The following PTPRO variants were observed in gnomAD, a reference collection of about 807,000 sequenced individuals.
PTPRO encodes receptor-type tyrosine-protein phosphatase O.
A neutral mutation model predicts 145.2 loss-of-function variants in PTPRO; 62 were observed. That is an observed-to-expected ratio of 0.43 (90% CI 0.35 to 0.53). The LOEUF (loss-of-function observed/expected upper bound fraction) is 0.53. Among genes scored for constraint, PTPRO ranks in the 20% least tolerant of loss-of-function variants. The pLI is 0.01. For missense variants in PTPRO, 1,345 were observed against 1,482.7 expected (o/e 0.91, Z 1.53); for synonymous variants, 565 against 514.7 (o/e 1.10, Z -1.32).
At chr12:15,508,802 C>A in intron 7 of PTPRO, 35 bp downstream of exon 7, 2 of 1,599,682 alleles carry the variant, frequency 1.3e-6, no homozygotes, top group South Asian at 1.1e-5. Context: ...GCTCGCCGGT[C>A]CTTCCTAAGC....
chr12:15,410,892 T>C (rs1019768546), intron 1 of PTPRO: 1 of 152,198 alleles, frequency 6.6e-6, no homozygotes, highest in Admixed American at 6.5e-5. Flanking sequence ...ATAGAAATTA[T>C]ATGTCCCTGA....
intron 1 of PTPRO, among the ~76,000 whole-genome samples, chr12:15,472,299 G>A (rs935476901): frequency 6.6e-6 from 1 of 152,158 alleles, no homozygotes; most frequent in Non-Finnish European, 1.5e-5. Context: ...CATCATCCCA[G>A]TCAGCCTGTT....
chr12:15,570,604 T>C (rs1944023560), intron 19 of PTPRO, among the ~76,000 whole-genome samples: 2 of 152,192 alleles, frequency 1.3e-5, no homozygotes, highest in South Asian at 4.1e-4. Flanking sequence ...CATAGGATAT[T>C]ATAGATGCTA....
chr12:15,427,892 A>G (rs1027800788), intron 1 of PTPRO, among the ~76,000 whole-genome samples: 7 of 152,202 alleles, frequency 4.6e-5, no homozygotes, highest in Admixed American at 2.6e-4. Flanking sequence ...CTTTTACATA[A>G]GCATATTTGT....
intron 1 of PTPRO, among the ~76,000 whole-genome samples, chr12:15,412,262 T>C (rs2136314087): frequency 6.6e-6 from 1 of 152,384 alleles, no homozygotes; most frequent in African/African-American, 2.4e-5. Context: ...TTCAATACTT[T>C]GTAAGTCCTT....
chr12:15,509,619 C>T (rs1356021947), intron 7 of PTPRO, among the ~76,000 whole-genome samples: 1 of 121,236 alleles, frequency 8.2e-6, no homozygotes. Flanking sequence ...ATCACTTGAA[C>T]CCGGGAGGTG....
chr12:15,428,527 T>C (rs1442742601), intron 1 of PTPRO, among the ~76,000 whole-genome samples: 1 of 152,174 alleles, frequency 6.6e-6, no homozygotes, highest in Non-Finnish European at 1.5e-5. Context: ...AAGTACTTTG[T>C]ATTGTGCTTG....
At chr12:15,337,574 A>G (rs1866808736) in intron 1 of PTPRO, 1 of 152,232 alleles carries the variant, frequency 6.6e-6, no homozygotes, top group African/African-American at 2.4e-5. Flanking sequence ...CTAACCATAG[A>G]AAAGGAATTG....
intron 1 of PTPRO, among the ~76,000 whole-genome samples, chr12:15,386,392 A>G (rs1565600428): frequency 6.6e-6 from 1 of 152,226 alleles, no homozygotes; most frequent in Non-Finnish European, 1.5e-5. Context: ...ATAATATTAA[A>G]TGGAGCAGTT....
chr12:15,562,156 TG>T (rs1428178390), intron 17 of PTPRO, among the ~76,000 whole-genome samples: 2 of 152,140 alleles, frequency 1.3e-5, no homozygotes, highest in Non-Finnish European at 2.9e-5. Flanking sequence ...AAAAACATAC[TG>T]GATATAAACT....
chr12:15,453,665 A>G (rs1396139427), intron 1 of PTPRO, among the ~76,000 whole-genome samples: 2 of 152,222 alleles, frequency 1.3e-5, no homozygotes, highest in African/African-American at 2.4e-5. Context: ...ACAATATTAA[A>G]CAGCAGACCT....
chr12:15,420,148 GAAAAAAAAAAAA>G (rs35302259), intron 1 of PTPRO, among the ~76,000 whole-genome samples: 3 of 81,712 alleles, frequency 3.7e-5, no homozygotes, highest in African/African-American at 5.1e-5. Flanking sequence ...CTCCGACTCA[GAAAAAAAAAAAA>G]AAAAAAAAAA....
intron 1 of PTPRO, among the ~76,000 whole-genome samples, chr12:15,364,791 G>A (rs544175747): frequency 2.8e-4 from 42 of 152,268 alleles, no homozygotes; most frequent in African/African-American, 9.6e-4. Flanking sequence ...CTGCAAGAGA[G>A]TAGTACATAT....
chr12:15,511,859 C>T (rs556198142), intron 7 of PTPRO, among the ~76,000 whole-genome samples: 7 of 152,214 alleles, frequency 4.6e-5, no homozygotes, highest in South Asian at 4.2e-4. Flanking sequence ...CCACCGTGCC[C>T]GGCTATAATG....
chr12:15,544,906 T>A (rs1591710257), intron 12 of PTPRO, among the ~76,000 whole-genome samples: 1 of 152,212 alleles, frequency 6.6e-6, no homozygotes, highest in Non-Finnish European at 1.5e-5. Flanking sequence ...TGACACCTAT[T>A]GTGAATTTTG....
intron 14 of PTPRO, among the ~76,000 whole-genome samples, chr12:15,550,233 A>C (rs1185222708): frequency 6.6e-6 from 1 of 152,226 alleles, no homozygotes; most frequent in East Asian, 1.9e-4. Flanking sequence ...CTTACAATAA[A>C]GTAAGCTAGA....
At chr12:15,334,650 C>T (rs1866704577) in intron 1 of PTPRO, among the ~76,000 whole-genome samples, 4 of 152,056 alleles carry the variant, frequency 2.6e-5, no homozygotes, top group African/African-American at 2.4e-5. Flanking sequence ...TATTCTACAA[C>T]TTTAATTTTG....
chr12:15,506,356 A>C (rs1372526187), intron 6 of PTPRO, among the ~76,000 whole-genome samples: 1 of 152,220 alleles, frequency 6.6e-6, no homozygotes, highest in Non-Finnish European at 1.5e-5. Context: ...AGCACTTACT[A>C]GCTCTATGAC....
intron 1 of PTPRO, among the ~76,000 whole-genome samples, chr12:15,451,298 C>CATAT (rs576427811): frequency 3.3e-5 from 5 of 150,266 alleles, no homozygotes; most frequent in Non-Finnish European, 7.4e-5. Context: ...ATCCTATATA[C>CATAT]ATATATATAT....
Sources: allele counts gnomAD v4.1 joint callset (sites outside exome capture counted in the v4.1 genomes callset), GRCh38; gene constraint gnomAD v4.1.1; transcripts MANE v1.5; gene names NCBI Gene and HGNC (gene_info 2026-07-23, HGNC 2026-07-21).